The following GLOD4 variants were observed in gnomAD, a reference collection of about 807,000 sequenced individuals.
GLOD4 encodes the protein glyoxalase domain-containing protein 4.
In GLOD4, 44 loss-of-function variants were observed where a neutral mutation model predicts 39.1. The ratio of observed to expected loss-of-function variants is 1.13; its 90% CI spans 0.88 to 1.45. GLOD4 has a LOEUF of 1.45. Ranked by LOEUF, GLOD4 falls within the 40% of genes most tolerant of loss-of-function variation. GLOD4 has a pLI of 0.00. For synonymous variants in GLOD4, 145 were observed against 135.0 expected (o/e 1.07, Z -0.52); for missense variants, 405 against 366.4 (o/e 1.11, Z -0.86).
In GLOD4 at chr17:775,774, C is replaced by T; in HGVS notation, c.406+1G>A. 6.2e-7 allele frequency: 1 copy of T among 1,613,370 alleles called. No homozygotes were observed. The highest frequency in any genetic ancestry group is 2.2e-5 in the East Asian group (1 of 44,872). On this transcript the variant is annotated splice_donor_variant, in intron 4 of 8. Transcript: ENST00000301329. LOFTEE classifies it high-confidence loss of function. ...GCTTTTACTGGTTCTGGTATAATTA[C>T]CTGACTGAGGCAGACTGCGATTCTG... is the stretch of plus-strand genomic sequence containing the variant.
At chr17:769,991 C>A (rs746970515) in intron 7 of GLOD4, 36 bp from the exon 8 acceptor site, 2 of 1,566,736 alleles carry the variant, frequency 1.3e-6, no homozygotes, top group South Asian at 1.1e-5. Context: ...CTGCCAAAGA[C>A]ATCCTTGAAG....
chr17:768,608 T>TGA lies in GLOD4; in HGVS notation c.831+1259_831+1260dup, dbSNP rs538920850. 7.9e-4 allele frequency among the ~76,000 whole-genome samples: 87 copies of TGA among 109,846 alleles called. 2 individuals are homozygous for TGA. The highest frequency in any genetic ancestry group is 2.0e-3 in the African/African-American group (55 of 27,738). 72.1% of individuals were successfully genotyped at this position (109,846 alleles called of 152,430 possible). ...TAGAAGAAGAAGTCTGGAGAGGACG[T>TGA]GAGAGAGAGAAACAGCGCGCACTCA... is the stretch of plus-strand genomic sequence containing the variant. On this transcript the variant is annotated intron_variant, in intron 8 of 8. Coordinates refer to ENST00000301329, the MANE Select transcript of GLOD4 (RefSeq NM_016080.4).
At chr17:764,816 G>A (rs1244110842) in intron 8 of GLOD4, 2 of 139,724 alleles carry the variant, frequency 1.4e-5, no homozygotes, top group Admixed American at 1.5e-4. Flanking sequence ...AGACCATCCT[G>A]GCTAACACGG....
At chr17:782,388 C>A, upstream of GLOD4, 1 of 1,613,674 alleles carries the variant, frequency 6.2e-7, no homozygotes, top group Non-Finnish European at 8.5e-7. Context: ...CATGGCGGCG[C>A]TGGTGAGACC....
upstream of GLOD4, chr17:782,301 C>G (rs749150662): frequency 6.2e-7 from 1 of 1,611,552 alleles, no homozygotes; most frequent in Non-Finnish European, 8.5e-7. Flanking sequence ...CAGCCCAGTC[C>G]ACGAAGGGCG....
Position 759,979 on chromosome 17 carries a change from C to A in GLOD4, c.*194G>T. On this transcript the variant is annotated 3_prime_UTR_variant, in exon 9 of 9. Coordinates refer to ENST00000301329, the MANE Select transcript of GLOD4 (RefSeq NM_016080.4). ...GTAGATTACAGCAGGCGTTCTCTAC[C>A]TGGACTCATGATTGGATTTCATTTC... 1.7e-6 allele frequency: 1 copy of A among 581,582 alleles called. No homozygotes were observed. Among genetic ancestry groups the A allele is most frequent in the Non-Finnish European group, 3.1e-6 (1 of 326,626 alleles). 36.0% of individuals were successfully genotyped at this position (581,582 alleles called of 1,614,324 possible). A position where few individuals can be genotyped will look rare whatever the true frequency, so the allele number is the denominator to read the frequency against.
chr17:765,692 C>T (rs942727831), intron 8 of GLOD4, among the ~76,000 whole-genome samples: 3 of 151,494 alleles, frequency 2.0e-5, no homozygotes, highest in African/African-American at 7.3e-5. Flanking sequence ...GATCCGCCCG[C>T]CTCGGCCTCC....
chr17:772,950 G>A (rs1375468203), intron 4 of GLOD4, among the ~76,000 whole-genome samples: 5 of 151,234 alleles, frequency 3.3e-5, no homozygotes, highest in South Asian at 2.1e-4. Flanking sequence ...AGCCCAGAGC[G>A]CGCCACTGCA....
chr17:761,375 G>A (rs1475828469), intron 8 of GLOD4, among the ~76,000 whole-genome samples: 2 of 152,010 alleles, frequency 1.3e-5, no homozygotes, highest in African/African-American at 4.8e-5. Flanking sequence ...TTATCTTGAT[G>A]AAAATAAGAA....
At chr17:773,091 A>C (rs66947705) in intron 4 of GLOD4, among the ~76,000 whole-genome samples, 47,823 of 152,126 alleles carry the variant, frequency 0.31, 9,207 homozygotes, top group Non-Finnish European at 0.44. Flanking sequence ...AATAATGTTA[A>C]AAGTTGGCAG....
intron 2 of GLOD4, chr17:778,412 T>G (rs1597588135): frequency 1.9e-6 from 1 of 528,174 alleles, no homozygotes; most frequent in Non-Finnish European, 3.3e-6. Flanking sequence ...AGCTGGAGAA[T>G]CCCTTTGTGT....
intron 1 of GLOD4, among the ~76,000 whole-genome samples, chr17:779,310 A>T: frequency 1.0e-5 from 1 of 98,960 alleles, no homozygotes; most frequent in Non-Finnish European, 1.9e-5. Context: ...GCAAAATTCC[A>T]TCTCAAATTA....
At chr17:778,467 C>A in intron 2 of GLOD4, 1 of 596,972 alleles carries the variant, frequency 1.7e-6, no homozygotes, top group Non-Finnish European at 3.0e-6. Context: ...GTTCCCGACG[C>A]TCCTGAAGTT....
At chr17:782,383 C>A, upstream of GLOD4, 1 of 1,613,560 alleles carries the variant, frequency 6.2e-7, no homozygotes, top group Non-Finnish European at 8.5e-7. Flanking sequence ...GGGAACATGG[C>A]GGCGCTGGTG....
chr17:780,176 AT>A (rs1567796264), intron 1 of GLOD4, among the ~76,000 whole-genome samples: 2 of 152,298 alleles, frequency 1.3e-5, no homozygotes, highest in Admixed American at 1.3e-4. Flanking sequence ...CATAAAAAAA[AT>A]AAAAAATAAA....
At chr17:760,914 C>A (rs1339029378) in intron 8 of GLOD4, among the ~76,000 whole-genome samples, 1 of 152,104 alleles carries the variant, frequency 6.6e-6, no homozygotes, top group African/African-American at 2.4e-5. Flanking sequence ...GAGTGGGACC[C>A]CGTCTCATAT....
intron 8 of GLOD4, among the ~76,000 whole-genome samples, chr17:767,450 GA>G (rs1201471709): frequency 1.3e-5 from 2 of 152,236 alleles, no homozygotes; most frequent in African/African-American, 2.4e-5. Flanking sequence ...GCGAGAAAGA[GA>G]AACAGTGCAC....
chr17:767,060 T>G (rs1336374706), intron 8 of GLOD4, among the ~76,000 whole-genome samples: 1 of 152,244 alleles, frequency 6.6e-6, no homozygotes, highest in African/African-American at 2.4e-5. Flanking sequence ...TAATTGTGCA[T>G]CTACTATTAT....
In GLOD4 at chr17:770,315, T is replaced by C. The variant is rs953192999; in HGVS notation, c.630+106A>G. The C allele has an allele frequency of 6.4e-6, 5 of 781,766 alleles. No individual in the cohort carries two copies. The African/African-American group carries it at 6.9e-5, about 11-fold the overall frequency. 48.4% of individuals were successfully genotyped at this position (781,766 alleles called of 1,614,324 possible). ...CTCTTGAAACAACTGCTGAACTTGA[T>C]ACTAAAGCCACAATCAAAAAGGACC... is the stretch of plus-strand genomic sequence containing the variant. On this transcript the variant is annotated intron_variant, in intron 6 of 8. Coordinates refer to ENST00000301329, the MANE Select transcript of GLOD4 (RefSeq NM_016080.4).
Sources: allele counts gnomAD v4.1 joint callset (sites outside exome capture counted in the v4.1 genomes callset), GRCh38; gene constraint gnomAD v4.1.1; transcripts MANE v1.5; gene names NCBI Gene and HGNC (gene_info 2026-07-23, HGNC 2026-07-21).